PCDHGA1: variants seen among roughly 807,000 people sequenced by gnomAD.
PCDHGA1 encodes the protein protocadherin gamma-A1.
Under a neutral mutation model 58.0 loss-of-function variants are expected in PCDHGA1, and 32 were observed. The observed-to-expected ratio is 0.55, with a 90% CI of 0.42 to 0.74. The LOEUF (loss-of-function observed/expected upper bound fraction) is 0.74, where lower values mean the gene tolerates loss of function less well. Ranked by LOEUF, PCDHGA1 falls within the 30% of genes least tolerant of loss-of-function variation. The pLI, the probability that PCDHGA1 is intolerant of heterozygous loss-of-function variation, is 0.00. For synonymous variants in PCDHGA1, 498 were observed against 501.1 expected (o/e 0.99, Z 0.08); for missense variants, 1,205 against 1,182.3 (o/e 1.02, Z -0.28).
intron 2 of PCDHGA1, among the ~76,000 whole-genome samples, chr5:141,501,528 A>G (rs1173385747): frequency 6.6e-6 from 1 of 151,978 alleles, no homozygotes; most frequent in Non-Finnish European, 1.5e-5. Context: ...GAAGCCCAGT[A>G]CGTTGTTGTG....
chr5:141,408,661 G>A (rs1462103250), intron 1 of PCDHGA1: 1 of 1,613,770 alleles, frequency 6.2e-7, no homozygotes, highest in Non-Finnish European at 8.5e-7. Context: ...CACGACTATC[G>A]CTTGACCCTG....
At chr5:141,402,807 T>TA in intron 1 of PCDHGA1, 1 of 1,165,464 alleles carries the variant, frequency 8.6e-7, no homozygotes, top group Non-Finnish European at 1.2e-6. Flanking sequence ...ACCCGGCAGA[T>TA]ACCACAAACC....
intron 1 of PCDHGA1, chr5:141,404,736 A>T: frequency 6.2e-7 from 1 of 1,613,622 alleles, no homozygotes. Context: ...GTGGCAGTGG[A>T]CAGAGACTCA....
chr5:141,441,195 A>C (rs1160365905), intron 1 of PCDHGA1: 1 of 152,224 alleles, frequency 6.6e-6, no homozygotes, highest in Non-Finnish European at 1.5e-5. Context: ...TGATTCCCAA[A>C]GATTCTGCAC....
rs756503177 is a variant in PCDHGA1 at position 141,364,980 on chromosome 5, G to A, written c.2421+31875G>A. ...GACCTCCTCCTCACAGCTTTAGATG[G>A]CGGAGACCCGGTACTCTCCGGCACC... On this transcript the variant is annotated intron_variant, in intron 1 of 3. Coordinates refer to ENST00000517417, the MANE Select transcript of PCDHGA1 (RefSeq NM_018912.3). 6 of 1,613,754 alleles carry A rather than the reference G, an allele frequency of 3.7e-6. No homozygotes were observed. The African/African-American group carries it at 4.0e-5, about 11-fold the overall frequency.
At chr5:141,363,012 T>C (rs1296290865) in intron 1 of PCDHGA1, among the ~76,000 whole-genome samples, 2 of 152,230 alleles carry the variant, frequency 1.3e-5, no homozygotes, top group Non-Finnish European at 2.9e-5. Context: ...TCACAGGGCA[T>C]GGGTAGGACA....
At chr5:141,478,505 T>C (rs1298083274) in intron 1 of PCDHGA1, 3 of 1,612,032 alleles carry the variant, frequency 1.9e-6, no homozygotes, top group Non-Finnish European at 2.5e-6. Context: ...TCCGGTGTTC[T>C]ATAGGCAGGT....
intron 1 of PCDHGA1, chr5:141,399,178 A>T: frequency 6.2e-7 from 1 of 1,613,892 alleles, no homozygotes; most frequent in Admixed American, 1.7e-5. Flanking sequence ...TCTACTTGAA[A>T]TGATTCTGGA....
chr5:141,492,548 C>T (rs1028674110), intron 1 of PCDHGA1, among the ~76,000 whole-genome samples: 5 of 152,218 alleles, frequency 3.3e-5, no homozygotes, highest in African/African-American at 9.6e-5. Flanking sequence ...TGGGCCGGGT[C>T]GCCTGGGGGG....
At chr5:141,472,003 A>T (rs1450802255) in intron 1 of PCDHGA1, among the ~76,000 whole-genome samples, 1 of 152,176 alleles carries the variant, frequency 6.6e-6, no homozygotes, top group Non-Finnish European at 1.5e-5. Context: ...CCTGCATCGT[A>T]TAGGGGCACT....
In PCDHGA1 at chr5:141,391,891, A is replaced by C. The variant is rs140956361; in HGVS notation, c.2421+58786A>C. 7.1e-4 allele frequency: 108 copies of C among 152,338 alleles called. No individual in the cohort carries two copies. In the East Asian group the frequency reaches 0.015, roughly 21 times the overall value. 9.4% of individuals were successfully genotyped at this position (152,338 alleles called of 1,614,324 possible). On this transcript the variant is annotated intron_variant, in intron 1 of 3. Coordinates refer to ENST00000517417, the MANE Select transcript of PCDHGA1 (RefSeq NM_018912.3). ...TCATCTCTTTGGTGAAAGGGATGGG[A>C]TGGAGCTTTGCTTTTTATCATATAT... is the stretch of plus-strand genomic sequence containing the variant.
At chr5:141,461,011 A>G (rs971172615) in intron 1 of PCDHGA1, among the ~76,000 whole-genome samples, 2 of 151,288 alleles carry the variant, frequency 1.3e-5, no homozygotes, top group Non-Finnish European at 2.9e-5. Context: ...ATATATATAT[A>G]CCACATTTTC....
chr5:141,433,823 G>T (rs555746621), intron 1 of PCDHGA1, among the ~76,000 whole-genome samples: 2 of 144,288 alleles, frequency 1.4e-5, no homozygotes, highest in Non-Finnish European at 3.0e-5. Context: ...GGCAACAAGA[G>T]TGAAACTCTA....
chr5:141,467,990 A>G (rs1593103654), intron 1 of PCDHGA1, among the ~76,000 whole-genome samples: 2 of 152,052 alleles, frequency 1.3e-5, no homozygotes, highest in South Asian at 2.1e-4. Context: ...GAAAACCACA[A>G]TTCTTTCTTC....
intron 1 of PCDHGA1, chr5:141,350,564 G>A: frequency 6.2e-7 from 1 of 1,614,056 alleles, no homozygotes; most frequent in South Asian, 1.1e-5. Context: ...GTGTGCACTA[G>A]AATTCGAAAC....
chr5:141,417,699 C>G, intron 1 of PCDHGA1: 1 of 1,164,548 alleles, frequency 8.6e-7, no homozygotes. Context: ...AACCAGCTCC[C>G]ACACAGAGGC....
chr5:141,475,739 T>C (rs190533989), intron 1 of PCDHGA1, among the ~76,000 whole-genome samples: 593 of 152,384 alleles, frequency 3.9e-3, no homozygotes, highest in Non-Finnish European at 6.7e-3. Flanking sequence ...TTCCCTAAGG[T>C]AGGTTTCCTA....
At chr5:141,428,293 C>G (rs1278634119) in intron 1 of PCDHGA1, 1 of 716,436 alleles carries the variant, frequency 1.4e-6, no homozygotes, top group South Asian at 1.6e-5. Flanking sequence ...AGCAAAGCTG[C>G]AGATTTACCT....
chr5:141,474,369 G>C (rs1424130168), intron 1 of PCDHGA1, among the ~76,000 whole-genome samples: 1 of 152,184 alleles, frequency 6.6e-6, no homozygotes, highest in Non-Finnish European at 1.5e-5. Flanking sequence ...AGTAGGTCTA[G>C]AGGAGGGCAT....
Sources: gnomAD v4.1 joint callset for allele counts (sites outside exome capture counted in the v4.1 genomes callset) on GRCh38, gnomAD v4.1.1 for gene constraint, MANE v1.5 for transcripts, NCBI Gene and HGNC (gene_info 2026-07-23, HGNC 2026-07-21) for gene names.